The following NIBAN2 variants were observed in gnomAD, a reference collection of about 807,000 sequenced individuals.
The protein encoded by NIBAN2 is niban apoptosis regulator 2.
NIBAN2 carries 36 observed loss-of-function variants against 81.8 expected under a neutral mutation model. That is an observed-to-expected ratio of 0.44 (90% CI 0.34 to 0.58). The LOEUF (loss-of-function observed/expected upper bound fraction) is 0.58, where lower values mean the gene tolerates loss of function less well. Ranked by LOEUF, NIBAN2 falls within the 20% of genes least tolerant of loss-of-function variation. The pLI is 0.02. For missense variants in NIBAN2, 897 were observed against 1,014.1 expected (o/e 0.88, Z 1.57); for synonymous variants, 445 against 441.6 (o/e 1.01, Z -0.10).
At chr9:127,542,931 G>A (rs548010884) in intron 1 of NIBAN2, among the ~76,000 whole-genome samples, 2 of 152,288 alleles carry the variant, frequency 1.3e-5, no homozygotes, top group African/African-American at 4.8e-5. Context: ...CACCATGTTG[G>A]CCAGGCTGGC....
In NIBAN2 at chr9:127,568,812, A is replaced by C. The variant is rs2132243474; in HGVS notation, c.55+8T>G. 7.4e-7 allele frequency: 1 copy of C among 1,344,246 alleles called. No individual in the cohort carries two copies. The highest frequency in any genetic ancestry group is 9.6e-7 in the Non-Finnish European group (1 of 1,043,786). 83.3% of individuals were successfully genotyped at this position (1,344,246 alleles called of 1,614,324 possible). On this transcript the variant is annotated splice_region_variant and intron_variant, in intron 1 of 13. Coordinates refer to ENST00000373312, the MANE Select transcript of NIBAN2 (RefSeq NM_022833.4). ...CCCTGGGCGCGCGTGGCGCGGCGCG[A>C]CCCTCACCTGCGATGTGCTGGCGCC... is the stretch of plus-strand genomic sequence containing the variant.
chr9:127,578,481 G>A (rs1446498213), intron 1 of NIBAN2, among the ~76,000 whole-genome samples: 3 of 151,552 alleles, frequency 2.0e-5, no homozygotes, highest in Non-Finnish European at 4.4e-5. Flanking sequence ...GGCCAACATC[G>A]TGAAACCGTC....
At chr9:127,529,501 G>A (rs1837139567) in intron 2 of NIBAN2, among the ~76,000 whole-genome samples, 1 of 152,310 alleles carries the variant, frequency 6.6e-6, no homozygotes. Context: ...TTAGCGGGGT[G>A]TGGTGGTGGA....
rs1220466008 is a variant in NIBAN2, at chr9:127,565,944, T to TCACA, written c.55+2875_55+2876insTGTG. Among the ~76,000 whole-genome samples the TCACA allele has an allele frequency of 6.4e-3, 709 of 110,322 alleles. 7 individuals are homozygous for TCACA. Among genetic ancestry groups the TCACA allele is most frequent in the African/African-American group, 0.028 (634 of 22,368 alleles). 72.4% of individuals were successfully genotyped at this position (110,322 alleles called of 152,430 possible). ...GGGAGACCCTGTCTCTCTCTCTCTCTCTCACACACACACACACACACACAC... is the reference window on the plus strand; with the variant it reads ...GGGAGACCCTGTCTCTCTCTCTCTCTCACACTCACACACACACACACACACACAC... On this transcript the variant is annotated intron_variant, in intron 1 of 13. Transcript: ENST00000373312.
chr9:127,523,193 A>AAAAAAAATT (rs1836987380), intron 5 of NIBAN2, among the ~76,000 whole-genome samples: 1 of 7,994 alleles, frequency 1.3e-4, no homozygotes, highest in African/African-American at 6.0e-4. Flanking sequence ...AAAAAAAAAA[A>AAAAAAAATT]TATATATATA....
intron 2 of NIBAN2, among the ~76,000 whole-genome samples, chr9:127,529,578 T>C (rs1352334593): frequency 6.6e-6 from 1 of 152,176 alleles, no homozygotes; most frequent in Non-Finnish European, 1.5e-5. Flanking sequence ...AGGTGGAGGT[T>C]GCAGTGAGCC....
At chr9:127,524,112 T>A (rs572435478) in intron 4 of NIBAN2, among the ~76,000 whole-genome samples, 89 of 152,294 alleles carry the variant, frequency 5.8e-4, no homozygotes, top group African/African-American at 2.1e-3. Flanking sequence ...CACTCTTGGG[T>A]TAGGTTTTAA....
rs574662860 is a variant in NIBAN2 at position 127,507,234 on chromosome 9, G to A, written c.1852C>T (p.Arg618Cys). 7.4e-6 allele frequency: 12 copies of A among 1,610,892 alleles called. No homozygotes were observed. Among genetic ancestry groups the A allele is most frequent in the Admixed American group, 6.7e-5 (4 of 59,944 alleles). ...ESATLSEKRRRAKQVVSVVQD... is the reference protein window; with the variant it reads ...ESATLSEKRRCAKQVVSVVQD... ...ACCACAGAGACCACCTGCTTGGCGC[G>A]CCGTCGCTTTTCCGAGAGGGTGGCT... Residue 618 changes from arginine to cysteine, a missense_variant, in exon 14 of 14, where the codon CGC (arginine) becomes TGC (cysteine). Around this residue, in one of 3 missense-constraint regions of NIBAN2, gnomAD observed 619 missense variants for 691.0 expected, o/e 0.90. Transcript: ENST00000373312. The surrounding 1 kb of genome is among the most constrained non-coding windows in gnomAD (Gnocchi z 6.8).
intron 2 of NIBAN2, 115 bp downstream of exon 2, chr9:127,531,533 T>C (rs1837180182): frequency 1.0e-6 from 1 of 964,448 alleles, no homozygotes. Flanking sequence ...GGGAGACCCT[T>C]AGAGGCCATC....
At chr9:127,531,360 T>C (rs1263172988) in intron 2 of NIBAN2, among the ~76,000 whole-genome samples, 3 of 152,068 alleles carry the variant, frequency 2.0e-5, no homozygotes, top group African/African-American at 7.2e-5. Flanking sequence ...GGTGCACGCC[T>C]GTGGTCCCAG....
rs758514826 is a variant in NIBAN2, at chr9:127,507,818, G to A, written c.1654+49C>T. On this transcript the variant is annotated intron_variant, in intron 13 of 13. Transcript: ENST00000373312. This position sits in a 1 kb window ranked among gnomAD's most constrained non-coding sequence, Gnocchi z 6.8. The stretch of plus-strand genomic sequence containing the variant: ...TCAGCTGCCACCACTTCTCAGCTGC[G>A]CCCCCAGCATCCTCCTGGCAACAGT... 3.7e-5 allele frequency: 57 copies of A among 1,537,998 alleles called. No individual in the cohort carries two copies. Among genetic ancestry groups the A allele is most frequent in the Admixed American group, 1.0e-4 (6 of 59,808 alleles).
chr9:127,571,146 C>T (rs567632547), upstream of NIBAN2, among the ~76,000 whole-genome samples: 1 of 152,318 alleles, frequency 6.6e-6, no homozygotes, highest in South Asian at 2.1e-4. Flanking sequence ...GATGGGGCCA[C>T]AGTGGCCTTT....
intron 9 of NIBAN2, 130 bp downstream of exon 9, chr9:127,509,993 ACAGCCTCTGCCCCTAGTCCCCAG>A: frequency 1.6e-6 from 1 of 641,352 alleles, no homozygotes; most frequent in Non-Finnish European, 2.6e-6. Flanking sequence ...CCCTGGCCTC[ACAGCCTCTGCCCCTAGTCCCCAG>A]CAGCCCCTCC....
In NIBAN2 at chr9:127,525,074, A is replaced by G. The variant is rs1837035175; in HGVS notation, c.405T>C (p.Ile135=). The change falls in exon 4 of 14, where the codon ATT becomes ATC. Residue 135 remains isoleucine, a synonymous_variant. Transcript: ENST00000373312. Reference sequence around the variant, plus strand: ...CTCCTTTACCTGGTAAGGAGTTGCCAATGAGCTCCAGGTATTGGTCCACGG... The same window carrying G: ...CTCCTTTACCTGGTAAGGAGTTGCCGATGAGCTCCAGGTATTGGTCCACGG... ...LTSVDQYLEL[I]GNSLPGTTAK... is the part of the protein sequence containing the mutation. 3.7e-6 allele frequency: 6 copies of G among 1,613,920 alleles called. No homozygotes were observed. The East Asian group carries it at 1.1e-4, about 30-fold the overall frequency.
intron 1 of NIBAN2, among the ~76,000 whole-genome samples, chr9:127,555,255 G>A (rs1037674356): frequency 5.3e-5 from 8 of 152,164 alleles, no homozygotes; most frequent in Non-Finnish European, 8.8e-5. Context: ...AGGGCTTTGG[G>A]CCACCTTTCT....
intron 1 of NIBAN2, among the ~76,000 whole-genome samples, chr9:127,537,134 C>G (rs1246979457): frequency 1.3e-5 from 2 of 152,230 alleles, no homozygotes; most frequent in Non-Finnish European, 2.9e-5. Context: ...CCTGCGGCCC[C>G]AGGTGCCCAG....
chr9:127,554,745 G>C (rs760258552), intron 1 of NIBAN2, among the ~76,000 whole-genome samples: 5 of 151,432 alleles, frequency 3.3e-5, no homozygotes, highest in Non-Finnish European at 5.9e-5. Context: ...ATTTTTAGTA[G>C]AGACGGGGGG....
intron 1 of NIBAN2, among the ~76,000 whole-genome samples, chr9:127,540,341 G>A (rs1381586692): frequency 6.6e-6 from 1 of 152,186 alleles, no homozygotes; most frequent in Non-Finnish European, 1.5e-5. Context: ...GAGAGGAGAG[G>A]AGGCTTGCTG....
At chr9:127,550,633 A>G (rs573787548) in intron 1 of NIBAN2, among the ~76,000 whole-genome samples, 1 of 152,330 alleles carries the variant, frequency 6.6e-6, no homozygotes, top group South Asian at 2.1e-4. Flanking sequence ...AGGATGGCAT[A>G]TTCCCAGAAA....
Sources: allele counts gnomAD v4.1 joint callset (sites outside exome capture counted in the v4.1 genomes callset), GRCh38; gene constraint gnomAD v4.1.1; regional missense constraint gnomAD v4.1.1; non-coding constraint Gnocchi (gnomAD v3.1); transcripts MANE v1.5; gene names NCBI Gene and HGNC (gene_info 2026-07-23, HGNC 2026-07-21).